Variants in TLK1 observed in about 807,000 individuals in gnomAD.
TLK1 encodes serine/threonine-protein kinase tousled-like 1.
TLK1 carries 24 observed loss-of-function variants against 105.3 expected under a neutral mutation model. The ratio of observed to expected loss-of-function variants is 0.23; its 90% CI spans 0.17 to 0.32. The LOEUF is 0.32. TLK1 is among the 10% of genes least tolerant of loss of function. The pLI is 1.00. For missense variants in TLK1, 558 were observed against 910.5 expected, an observed-to-expected ratio of 0.61 and a Z score of 4.98; for synonymous variants, 321 against 310.4, an observed-to-expected ratio of 1.03 and a Z score of -0.36.
chr2:171,154,892 A>C (rs1392336223), intron 1 of TLK1, among the ~76,000 whole-genome samples: 1 of 152,206 alleles, frequency 6.6e-6, no homozygotes, highest in East Asian at 1.9e-4. Flanking sequence ...ATTGACCCCA[A>C]GAAAGTTATG....
At position 171,049,800 on chromosome 2, in the gene TLK1, T is replaced by G; in HGVS notation, c.980+14A>C. On this transcript the variant is annotated intron_variant, in intron 10 of 20. Transcript: ENST00000431350. ...ACGAATACTAAAAACTTTTAAATGT[T>G]AAGAATGACTAACTTCACAAGATTC... 2 of 1,612,914 alleles carry G rather than the reference T, an allele frequency of 1.2e-6. No individual in the cohort carries two copies. The highest frequency in any genetic ancestry group is 1.7e-6 in the Non-Finnish European group (2 of 1,179,630).
At chr2:171,158,869 G>A (rs896830533) in intron 1 of TLK1, among the ~76,000 whole-genome samples, 2 of 152,160 alleles carry the variant, frequency 1.3e-5, no homozygotes, top group Non-Finnish European at 2.9e-5. Context: ...TCAGCGTTGG[G>A]ATAAGATGAA....
chr2:171,092,367 C>T (rs1689274147), intron 2 of TLK1, among the ~76,000 whole-genome samples: 1 of 152,170 alleles, frequency 6.6e-6, no homozygotes, highest in African/African-American at 2.4e-5. Flanking sequence ...CTATGACCAG[C>T]TGTAGGCAAA....
At chr2:171,212,287 C>T (rs1184584850) in intron 1 of TLK1, among the ~76,000 whole-genome samples, 1 of 133,180 alleles carries the variant, frequency 7.5e-6, no homozygotes, top group Non-Finnish European at 1.6e-5. Context: ...CACCCCTTGC[C>T]GCCCCCTCCT....
At chr2:171,150,693 T>C (rs747751833) in intron 1 of TLK1, among the ~76,000 whole-genome samples, 9 of 152,218 alleles carry the variant, frequency 5.9e-5, no homozygotes, top group Non-Finnish European at 1.0e-4. Flanking sequence ...AGCAAGAGGC[T>C]AGAAAAACCC....
chr2:170,998,230 C>T (rs1335835929), intron 18 of TLK1, among the ~76,000 whole-genome samples: 2 of 152,178 alleles, frequency 1.3e-5, no homozygotes, highest in African/African-American at 4.8e-5. Context: ...ACTGTAGGCA[C>T]TTCTCTCCCT....
At chr2:171,099,954 T>C (rs1004178848) in intron 2 of TLK1, among the ~76,000 whole-genome samples, 4 of 152,186 alleles carry the variant, frequency 2.6e-5, no homozygotes, top group Non-Finnish European at 4.4e-5. Flanking sequence ...GATTAAGCAA[T>C]GATTTCTTAG....
chr2:171,138,178 T>G (rs1691418955), intron 1 of TLK1, among the ~76,000 whole-genome samples: 1 of 152,186 alleles, frequency 6.6e-6, no homozygotes, highest in African/African-American at 2.4e-5. Flanking sequence ...CTAAAATGTT[T>G]GCTTATATCA....
chr2:171,037,455 A>T (rs1336920242), intron 11 of TLK1, among the ~76,000 whole-genome samples: 1 of 151,712 alleles, frequency 6.6e-6, no homozygotes, highest in African/African-American at 2.4e-5. Flanking sequence ...AAAAAAAAAA[A>T]ACAGAGGCAT....
chr2:171,190,561 TG>T (rs1366625292), intron 1 of TLK1, among the ~76,000 whole-genome samples: 1 of 152,212 alleles, frequency 6.6e-6, no homozygotes, highest in Non-Finnish European at 1.5e-5. Flanking sequence ...CTTATGATGC[TG>T]AAAGAAACTT....
At chr2:171,055,814 G>A (rs949635278) in intron 6 of TLK1, among the ~76,000 whole-genome samples, 2 of 151,860 alleles carry the variant, frequency 1.3e-5, no homozygotes, top group African/African-American at 4.8e-5. Context: ...ATAAAAACAA[G>A]ATGTTTGAAT....
At chr2:171,143,172 A>G (rs1418031426) in intron 1 of TLK1, among the ~76,000 whole-genome samples, 4 of 152,242 alleles carry the variant, frequency 2.6e-5, no homozygotes. Context: ...TAAGGAAATG[A>G]TATCAAATGG....
chr2:171,137,433 C>A (rs917087593), intron 1 of TLK1, among the ~76,000 whole-genome samples: 1 of 151,992 alleles, frequency 6.6e-6, no homozygotes, highest in African/African-American at 2.4e-5. Context: ...AAATAAAAAG[C>A]CATAGCCTTT....
At chr2:171,180,251 G>A (rs899192317) in intron 1 of TLK1, among the ~76,000 whole-genome samples, 9 of 151,698 alleles carry the variant, frequency 5.9e-5, no homozygotes, top group African/African-American at 2.2e-4. Flanking sequence ...CCGGGTCCCT[G>A]CGTCTCAATA....
intron 11 of TLK1, among the ~76,000 whole-genome samples, chr2:171,041,572 C>A (rs912660396): frequency 2.0e-5 from 3 of 152,202 alleles, no homozygotes; most frequent in African/African-American, 7.2e-5. Context: ...AGAGCACAAA[C>A]CCTATTGTGA....
intron 2 of TLK1, among the ~76,000 whole-genome samples, chr2:171,083,487 G>A (rs1185816889): frequency 2.0e-5 from 3 of 152,106 alleles, no homozygotes; most frequent in Admixed American, 6.5e-5. Flanking sequence ...TTTCCAATAC[G>A]CTTCTATGAT....
At position 171,224,255 on chromosome 2, in the gene TLK1, A is replaced by C. The variant is rs866643323; in HGVS notation, c.-6+6890T>G. ...CACTGTTGTAAAAAATCAGTTGGCT[A>C]TACATGTGTAGACTTATTTCTGAGT... On this transcript the variant is annotated intron_variant, in intron 1 of 20. Coordinates refer to the TLK1 transcript ENST00000521943. Among the ~76,000 whole-genome samples, 14 of 152,264 alleles carry C rather than the reference A, an allele frequency of 9.2e-5. No individual in the cohort carries two copies. In the Middle Eastern group the frequency reaches 0.01, roughly 111 times the overall value.
intron 1 of TLK1, chr2:171,154,031 A>G (rs1322312732): frequency 2.0e-5 from 3 of 151,698 alleles, no homozygotes; most frequent in East Asian, 3.9e-4. Flanking sequence ...CAGCCTCCCC[A>G]GTAGCTAGGA....
intron 2 of TLK1, among the ~76,000 whole-genome samples, chr2:171,083,639 T>C (rs1003513140): frequency 2.0e-5 from 3 of 152,282 alleles, no homozygotes; most frequent in East Asian, 1.9e-4. Context: ...GGCAAGCCAA[T>C]TGATATCCTC....
Sources: gnomAD v4.1 joint callset for allele counts (sites outside exome capture counted in the v4.1 genomes callset) on GRCh38, gnomAD v4.1.1 for gene constraint, MANE v1.5 for transcripts, NCBI Gene and HGNC (gene_info 2026-07-23, HGNC 2026-07-21) for gene names.